CSMD3: variants seen among roughly 807,000 people sequenced by gnomAD.
CSMD3 encodes CUB and Sushi multiple domains 3.
CSMD3 carries 177 observed loss-of-function variants against 435.2 expected under a neutral mutation model. The ratio of observed to expected loss-of-function variants is 0.41; its 90% CI spans 0.36 to 0.46. The LOEUF is 0.46. Among genes scored for constraint, CSMD3 ranks in the 20% least tolerant of loss-of-function variants. CSMD3 has a pLI of 0.34. For synonymous variants in CSMD3, 1,656 were observed against 1,520.5 expected (o/e 1.09, Z -2.07); for missense variants, 4,265 against 4,504.6 (o/e 0.95, Z 1.52).
At chr8:113,094,629 T>C (rs1364634879) in intron 5 of CSMD3, among the ~76,000 whole-genome samples, 1 of 152,342 alleles carries the variant, frequency 6.6e-6, no homozygotes, top group East Asian at 1.9e-4. Flanking sequence ...ATTAATTTAC[T>C]ATAGTTTACA....
intron 10 of CSMD3, among the ~76,000 whole-genome samples, chr8:112,886,407 C>A (rs1259389279): frequency 6.6e-6 from 1 of 150,680 alleles, no homozygotes; most frequent in African/African-American, 2.4e-5. Context: ...CTAAAGAAGG[C>A]TAGATCAGTT....
intron 32 of CSMD3, among the ~76,000 whole-genome samples, chr8:112,447,630 T>C (rs1815754507): frequency 1.3e-5 from 2 of 152,202 alleles, no homozygotes; most frequent in African/African-American, 4.8e-5. Flanking sequence ...TATCTGGAAA[T>C]AGGCTATTAC....
chr8:112,817,912 TA>T (rs2079420926), intron 12 of CSMD3, among the ~76,000 whole-genome samples: 2 of 152,208 alleles, frequency 1.3e-5, no homozygotes, highest in African/African-American at 4.8e-5. Flanking sequence ...TCCTTGGAGC[TA>T]AAGCCTCAAG....
At chr8:113,232,977 C>T (rs1051581523) in intron 3 of CSMD3, among the ~76,000 whole-genome samples, 1 of 151,792 alleles carries the variant, frequency 6.6e-6, no homozygotes, top group Admixed American at 6.6e-5. Flanking sequence ...TTTTAAAAGT[C>T]AGACTAAAGT....
chr8:113,079,719 G>T (rs1243128763), intron 5 of CSMD3, among the ~76,000 whole-genome samples: 1 of 152,060 alleles, frequency 6.6e-6, no homozygotes, highest in African/African-American at 2.4e-5. Flanking sequence ...TTAAAATTCA[G>T]AAATGTTTTT....
In CSMD3 at chr8:112,924,266, G is replaced by A. The variant is rs552265137; in HGVS notation, c.1509-2515C>T. On this transcript the variant is annotated intron_variant, in intron 9 of 70. Transcript: ENST00000297405. ...AAGAGTTTAGTTAACAAGCTGTCAC[G>A]GAAATCCGAGTTTTCATGGAGATGT... Among the ~76,000 whole-genome samples, 18 of 152,184 alleles carry A rather than the reference G, an allele frequency of 1.2e-4. 1 individual carries two copies. In the Middle Eastern group the frequency reaches 0.014, roughly 116 times the overall value.
At chr8:112,552,798 A>T in intron 25 of CSMD3, 78 bp from the exon 26 acceptor site, 1 of 1,293,076 alleles carries the variant, frequency 7.7e-7, no homozygotes, top group East Asian at 2.4e-5. Context: ...TCTCATGAGT[A>T]GACAAAAGAA....
At chr8:112,853,532 C>A (rs1376517150) in intron 11 of CSMD3, among the ~76,000 whole-genome samples, 2 of 152,126 alleles carry the variant, frequency 1.3e-5, no homozygotes, top group Non-Finnish European at 2.9e-5. Flanking sequence ...GGCCGTTCAT[C>A]CACTATGTAT....
intron 2 of CSMD3, among the ~76,000 whole-genome samples, chr8:113,288,287 C>A (rs1006650576): frequency 6.6e-6 from 1 of 151,612 alleles, no homozygotes; most frequent in Non-Finnish European, 1.5e-5. Context: ...TTTCTTCCTG[C>A]AAAAATGGAT....
At chr8:113,323,362 T>C (rs903790229) in intron 1 of CSMD3, among the ~76,000 whole-genome samples, 3 of 152,186 alleles carry the variant, frequency 2.0e-5, no homozygotes, top group Admixed American at 6.5e-5. Flanking sequence ...CAATTGTTAT[T>C]CAAACTATTA....
chr8:112,436,314 T>C (rs530043277), intron 32 of CSMD3, among the ~76,000 whole-genome samples: 1 of 152,052 alleles, frequency 6.6e-6, no homozygotes, highest in South Asian at 2.1e-4. Context: ...TATTTTTCTA[T>C]GCCTTATTCT....
intron 9 of CSMD3, among the ~76,000 whole-genome samples, chr8:112,928,091 T>C (rs2082971729): frequency 6.6e-6 from 1 of 152,138 alleles, no homozygotes; most frequent in Admixed American, 6.6e-5. Context: ...ACATCCTTCT[T>C]CTTGTAGATT....
chr8:112,937,292 C>T (rs372964572), intron 9 of CSMD3, among the ~76,000 whole-genome samples: 3 of 150,410 alleles, frequency 2.0e-5, no homozygotes, highest in Admixed American at 1.3e-4. Flanking sequence ...TTTTGAGTCA[C>T]AAGAATCAAA....
chr8:112,313,865 A>T (rs189107361), intron 49 of CSMD3, 41 bp downstream of exon 49: 2 of 1,498,488 alleles, frequency 1.3e-6, no homozygotes, highest in Admixed American at 3.3e-5. Context: ...CATACCGAAG[A>T]TGATAGTGAG....
chr8:112,503,728 TTCTCCTGTATAAAATA>T (rs1822217578), intron 30 of CSMD3, 46 bp downstream of exon 30: 1 of 1,224,540 alleles, frequency 8.2e-7, no homozygotes, highest in Admixed American at 1.9e-5. Context: ...TACCAAATTA[TTCTCCTGTATAAAATA>T]TCTATAATTT....
At chr8:113,304,829 G>T (rs2093804924) in intron 2 of CSMD3, among the ~76,000 whole-genome samples, 1 of 142,690 alleles carries the variant, frequency 7.0e-6, no homozygotes, top group Non-Finnish European at 1.5e-5. Flanking sequence ...ACGAGTTAGT[G>T]GGTGCAGCGC....
chr8:113,253,601 G>GT (rs1160418030), intron 3 of CSMD3, among the ~76,000 whole-genome samples: 1 of 151,950 alleles, frequency 6.6e-6, no homozygotes, highest in African/African-American at 2.4e-5. Flanking sequence ...CAGCACTTTG[G>GT]TAGGCCGAGG....
chr8:113,269,397 T>C lies in CSMD3; in HGVS notation c.514+9195A>G, dbSNP rs575040418. On this transcript the variant is annotated intron_variant, in intron 3 of 70. Transcript: ENST00000297405. ...TGGCCATACTGCCCAAGGTAATTTA[T>C]AGATTCAGCGCCATCCCCATCAAGC... Among the ~76,000 whole-genome samples the C allele has an allele frequency of 1.3e-4, 20 of 152,230 alleles. No individual in the cohort carries two copies. The East Asian group carries it at 3.5e-3, about 26-fold the overall frequency.
Position 113,342,992 on chromosome 8 carries a change from AAGG to A in CSMD3, c.179-28202_179-28200del, listed in dbSNP as rs552597993. Among the ~76,000 whole-genome samples the A allele has an allele frequency of 1.3e-4, 20 of 152,162 alleles. No homozygotes were observed. The South Asian group carries it at 3.9e-3, about 30-fold the overall frequency. On this transcript the variant is annotated intron_variant, in intron 1 of 70. Coordinates refer to ENST00000297405, the MANE Select transcript of CSMD3 (RefSeq NM_198123.2). ...GGAGGAAGAGGAAGAAGAAAAATGG[AAGG>A]AGAAGAGGGAGAGGCAGGAGGAGGA...
Sources: gnomAD v4.1 joint callset for allele counts (sites outside exome capture counted in the v4.1 genomes callset) on GRCh38, gnomAD v4.1.1 for gene constraint, MANE v1.5 for transcripts, NCBI Gene and HGNC (gene_info 2026-07-23, HGNC 2026-07-21) for gene names.